Variants in NCAPG2 observed in about 807,000 individuals in gnomAD.
The protein encoded by NCAPG2 is non-SMC condensin II complex subunit G2.
Under a neutral mutation model 141.1 loss-of-function variants are expected in NCAPG2, and 53 were observed. The observed-to-expected ratio is 0.38, with a 90% CI of 0.30 to 0.47. The LOEUF (loss-of-function observed/expected upper bound fraction) is 0.47. Among genes scored for constraint, NCAPG2 ranks in the 20% least tolerant of loss-of-function variants. NCAPG2 has a pLI of 0.99. For missense variants in NCAPG2, 1,087 were observed against 1,389.0 expected, an observed-to-expected ratio of 0.78 and a Z score of 3.46; for synonymous variants, 499 against 490.7, an observed-to-expected ratio of 1.02 and a Z score of -0.22.
chr7:158,692,334 A>AC (rs77972611), intron 4 of NCAPG2, among the ~76,000 whole-genome samples: 1 of 151,926 alleles, frequency 6.6e-6, no homozygotes, highest in African/African-American at 2.4e-5. Flanking sequence ...TATAAAATAA[A>AC]TAAGTATTCA....
chr7:158,672,850 A>G (rs1377658877), intron 12 of NCAPG2, among the ~76,000 whole-genome samples: 2 of 152,114 alleles, frequency 1.3e-5, no homozygotes, highest in Admixed American at 6.5e-5. Context: ...AGCCCCTGCC[A>G]TAACACTGTG....
Position 158,656,836 on chromosome 7 carries a change from A to G in NCAPG2, c.2061-131T>C, listed in dbSNP as rs577917666. 10 of 1,024,688 alleles carry G rather than the reference A, an allele frequency of 9.8e-6. No individual in the cohort carries two copies. The African/African-American group carries it at 1.5e-4, about 15-fold the overall frequency. The allele number at this position is 1,024,688 out of a possible 1,614,324, so 63.5% of individuals were successfully genotyped here. The stretch of plus-strand genomic sequence containing the variant: ...CCCTTGTTATTATATTAGCACTTCC[A>G]TGCTCTCCAATGCAGGAATAAATAC... On this transcript the variant is annotated intron_variant, in intron 17 of 27. Coordinates refer to ENST00000356309, the MANE Select transcript of NCAPG2 (RefSeq NM_017760.7).
chr7:158,701,161 A>T (rs1741660573), intron 2 of NCAPG2, among the ~76,000 whole-genome samples: 1 of 152,086 alleles, frequency 6.6e-6, no homozygotes, highest in Non-Finnish European at 1.5e-5. Flanking sequence ...TCCCCACCAT[A>T]TCCATATCCA....
chr7:158,696,580 G>A (rs1835456967), intron 2 of NCAPG2: 1 of 152,236 alleles, frequency 6.6e-6, no homozygotes, highest in Admixed American at 6.5e-5. Context: ...TACAAAGGAT[G>A]ATAAAGAAAA....
chr7:158,645,519 C>T lies in NCAPG2; in HGVS notation c.3280G>A (p.Gly1094Ser), dbSNP rs756638335. ...AVHIILVINA[G>S]KHKSSKVREV... The stretch of plus-strand genomic sequence containing the variant: ...GATGACAGAGGGGAATGTAACCAAC[C>T]TGCATTAATAACCAGGATAATATGC... Residue 1094 changes from glycine (G) to serine (S), a missense_variant and splice_region_variant, in exon 26 of 28, where the codon GGT becomes AGT. Transcript: ENST00000356309. 6.2e-7 allele frequency: 1 copy of T among 1,613,560 alleles called. No individual in the cohort carries two copies. Among genetic ancestry groups the T allele is most frequent in the Non-Finnish European group, 8.5e-7 (1 of 1,179,570 alleles).
chr7:158,634,287 T>C (rs932610485), intron 27 of NCAPG2, among the ~76,000 whole-genome samples: 1 of 152,142 alleles, frequency 6.6e-6, no homozygotes, highest in Non-Finnish European at 1.5e-5. Flanking sequence ...TTATAATACC[T>C]AATACAAGGT....
rs112436127 is a variant in NCAPG2, at chr7:158,667,982, T to C, written c.1480-3232A>G. Among the ~76,000 whole-genome samples the C allele has an allele frequency of 0.013, 27 of 2,098 alleles. 11 individuals carry two copies. In the African/African-American group the frequency reaches 0.18, roughly 14 times the overall value. The allele number at this position is 2,098 out of a possible 152,430, so 1.4% of individuals were successfully genotyped here. On this transcript the variant is annotated intron_variant, in intron 13 of 27. Transcript: ENST00000356309. Reference sequence around the variant, plus strand: ...TTACCCACTACTGGGTCCCTCCGCCTTCCTTACCCACTACTGGGTCCCTCC... The same window carrying C: ...TTACCCACTACTGGGTCCCTCCGCCCTCCTTACCCACTACTGGGTCCCTCC...
chr7:158,672,704 A>G (rs1397881347), intron 12 of NCAPG2, among the ~76,000 whole-genome samples: 3 of 152,058 alleles, frequency 2.0e-5, no homozygotes, highest in Non-Finnish European at 4.4e-5. Flanking sequence ...CTTCTTCCAA[A>G]GCACTCAAGG....
chr7:158,674,105 A>G (rs1490005365), intron 12 of NCAPG2, among the ~76,000 whole-genome samples: 1 of 152,186 alleles, frequency 6.6e-6, no homozygotes, highest in Non-Finnish European at 1.5e-5. Flanking sequence ...ACTGCAGAGC[A>G]ACAGGCATGA....
intron 2 of NCAPG2, among the ~76,000 whole-genome samples, chr7:158,701,509 T>C (rs890786718): frequency 6.6e-5 from 10 of 152,214 alleles, no homozygotes; most frequent in Non-Finnish European, 1.3e-4. Flanking sequence ...CCTCATCTTC[T>C]GCCTTCCTGC....
In NCAPG2 at chr7:158,655,260, T is replaced by C. The variant is rs1467761573; in HGVS notation, c.2506-2A>G. 6.2e-7 allele frequency: 1 copy of C among 1,613,664 alleles called. No homozygotes were observed. Among genetic ancestry groups the C allele is most frequent in the Non-Finnish European group, 8.5e-7 (1 of 1,179,856 alleles). On this transcript the variant is annotated splice_acceptor_variant, in intron 20 of 27. Coordinates refer to ENST00000356309, the MANE Select transcript of NCAPG2 (RefSeq NM_017760.7). LOFTEE classifies it high-confidence loss of function. ...ATACACCTTTCCTTCTGAGCAGAAC[T>C]GTCCAAAAACAAGAAGATAAATCAG...
rs1238884349 is a variant in NCAPG2 at position 158,633,475 on chromosome 7, G to C, written c.3381-1758C>G. Among the ~76,000 whole-genome samples, 3 of 152,206 alleles carry C rather than the reference G, an allele frequency of 2.0e-5. No homozygotes were observed. The highest frequency in any genetic ancestry group is 4.4e-5 in the Non-Finnish European group (3 of 68,036). ...TGCCTGTGTTGAACCAGGGGTGAGG[G>C]CACAGCTATGTGGAGGCTGCCATGC... On this transcript the variant is annotated intron_variant, in intron 27 of 27. Transcript: ENST00000356309. The surrounding 1 kb of genome is among the most constrained non-coding windows in gnomAD (Gnocchi z 4.1).
chr7:158,654,479 A>T, intron 22 of NCAPG2, 116 bp downstream of exon 22: 1 of 1,028,748 alleles, frequency 9.7e-7, no homozygotes, highest in South Asian at 2.0e-5. Context: ...GGGATATGCC[A>T]GGTTGCATTA....
At chr7:158,690,842 A>C in intron 4 of NCAPG2, 120 bp from the exon 5 acceptor site, 1 of 876,948 alleles carries the variant, frequency 1.1e-6, no homozygotes, top group African/African-American at 1.7e-5. Flanking sequence ...AAATAATATT[A>C]GTTATGTTTA....
In NCAPG2 at chr7:158,656,432, C is replaced by T. The variant is rs540333595; in HGVS notation, c.2216G>A (p.Ser739Asn). 13 of 1,613,266 alleles carry T rather than the reference C, an allele frequency of 8.1e-6. No individual in the cohort carries two copies. The East Asian group carries it at 2.9e-4, about 36-fold the overall frequency. Residue 739 changes from serine (S) to asparagine (N), a missense_variant and splice_region_variant, in exon 19 of 28, where the codon AGC becomes AAC. Coordinates refer to ENST00000356309, the MANE Select transcript of NCAPG2 (RefSeq NM_017760.7). ...CACCCTACCTTTAGAAGCTGTGTTG[C>T]TCTGAAAGAAGAGAGAGAGAAACTG... ...WLPTEHAQAK[S>N]NTASKGRVQI... is the part of the protein sequence containing the mutation.
chr7:158,675,017 A>T (rs1833967765), intron 12 of NCAPG2, among the ~76,000 whole-genome samples: 1 of 152,240 alleles, frequency 6.6e-6, no homozygotes, highest in Non-Finnish European at 1.5e-5. Flanking sequence ...CTACCATCTA[A>T]CATACATATT....
rs769201953 is a variant in NCAPG2 at position 158,652,463 on chromosome 7, C to G, written c.2764G>C (p.Val922Leu). 28 of 1,596,292 alleles carry G rather than the reference C, an allele frequency of 1.8e-5. No individual in the cohort carries two copies. The highest frequency in any genetic ancestry group is 2.2e-5 in the Non-Finnish European group (26 of 1,174,540). The change falls in exon 23 of 28, where the codon GTT (valine) becomes CTT (leucine). Residue 922 changes from valine to leucine, a missense_variant. By Grantham distance (32) the Val-to-Leu change is conservative (BLOSUM62 1). Coordinates refer to ENST00000356309, the MANE Select transcript of NCAPG2 (RefSeq NM_017760.7). ...TTCAGAATGTCAAGAAGTAATGAAA[C>G]ATAAAAAAATCCCTTCACTAGAAAG... ...IMQTVKGFFY[V>L]SLLLDILKEI...
rs113995054 is a variant in NCAPG2, at chr7:158,644,070, T to A, written c.3380+219A>T. Among the ~76,000 whole-genome samples the A allele has an allele frequency of 7.5e-3, 1,138 of 152,360 alleles. 16 individuals are homozygous for A. Among genetic ancestry groups the A allele is most frequent in the African/African-American group, 0.026 (1,084 of 41,584 alleles). On this transcript the variant is annotated intron_variant, in intron 27 of 27. Transcript: ENST00000356309. The stretch of plus-strand genomic sequence containing the variant: ...GCCCTCACTTTTCTACAGTAGAATT[T>A]TGCAAATGACACTTTTGTTTTGTTT...
intron 24 of NCAPG2, among the ~76,000 whole-genome samples, chr7:158,650,168 C>A (rs1563507234): frequency 6.6e-6 from 1 of 152,154 alleles, no homozygotes; most frequent in Non-Finnish European, 1.5e-5. Context: ...TGCCTCAGCC[C>A]CCGAGCAGCT....
Sources: gnomAD v4.1 joint callset for allele counts (sites outside exome capture counted in the v4.1 genomes callset) on GRCh38, gnomAD v4.1.1 for gene constraint, Gnocchi (gnomAD v3.1) non-coding constraint, MANE v1.5 for transcripts, NCBI Gene and HGNC (gene_info 2026-07-23, HGNC 2026-07-21) for gene names.